EPN2: variants seen among roughly 807,000 people sequenced by gnomAD.
EPN2 encodes the protein epsin 2.
EPN2 carries 34 observed loss-of-function variants against 61.7 expected under a neutral mutation model. The ratio of observed to expected loss-of-function variants is 0.55; its 90% CI spans 0.42 to 0.73. EPN2 has a LOEUF of 0.73. Among genes scored for constraint, EPN2 ranks in the 30% least tolerant of loss-of-function variants. EPN2 has a pLI of 0.00. For missense variants in EPN2, 714 were observed against 839.2 expected, an observed-to-expected ratio of 0.85 and a Z score of 1.84; for synonymous variants, 349 against 353.6, an observed-to-expected ratio of 0.99 and a Z score of 0.15.
In EPN2 at chr17:19,335,174, T is replaced by TAA; in HGVS notation, c.*929_*930dup. 18 of 345,594 alleles carry TAA rather than the reference T, an allele frequency of 5.2e-5. No individual in the cohort carries two copies. Among genetic ancestry groups the TAA allele is most frequent in the East Asian group, 1.3e-4 (3 of 22,886 alleles). 21.4% of individuals were successfully genotyped at this position (345,594 alleles called of 1,614,324 possible). A position where few individuals can be genotyped will look rare whatever the true frequency, so the allele number is the denominator to read the frequency against. On this transcript the variant is annotated 3_prime_UTR_variant, in exon 11 of 11. Transcript: ENST00000314728. ...TTACACATAGATGATGATGTTTATTTAAAAAAAAAACAACAGCAACAAAAA... is the reference window on the plus strand; with the variant it reads ...TTACACATAGATGATGATGTTTATTTAAAAAAAAAAAACAACAGCAACAAAAA...
intron 1 of EPN2, among the ~76,000 whole-genome samples, chr17:19,238,333 G>T (rs1820933079): frequency 6.6e-6 from 1 of 152,238 alleles, no homozygotes; most frequent in South Asian, 2.1e-4. Flanking sequence ...AGAGCCGAGC[G>T]CGTTGGGAGG....
At chr17:19,319,610 C>T (rs767028526) in intron 7 of EPN2, among the ~76,000 whole-genome samples, 5 of 151,810 alleles carry the variant, frequency 3.3e-5, no homozygotes, top group Non-Finnish European at 5.9e-5. Context: ...GGATTACAGG[C>T]GTGAGCCACC....
chr17:19,237,411 T>G lies in EPN2; in HGVS notation c.-414T>G, dbSNP rs917418406. 2.6e-5 allele frequency: 4 copies of G among 151,974 alleles called. No individual in the cohort carries two copies. Among genetic ancestry groups the G allele is most frequent in the African/African-American group, 9.6e-5 (4 of 41,478 alleles). The allele number at this position is 151,974 out of a possible 1,614,324, so 9.4% of individuals were successfully genotyped here. ...CCCGGCCGCCATGTTGGCTGGTGTG[T>G]GGGTGTCAAACTGAGCCAGACGCGG... On this transcript the variant is annotated 5_prime_UTR_variant, in exon 1 of 11. Coordinates refer to ENST00000314728, the MANE Select transcript of EPN2 (RefSeq NM_014964.5).
intron 1 of EPN2, among the ~76,000 whole-genome samples, chr17:19,255,114 A>G (rs2045059767): frequency 6.6e-6 from 1 of 152,196 alleles, no homozygotes; most frequent in African/African-American, 2.4e-5. Context: ...TGAGAGATGC[A>G]GTAAGAAGTA....
intron 7 of EPN2, among the ~76,000 whole-genome samples, chr17:19,326,459 G>T (rs1362662263): frequency 6.6e-6 from 1 of 152,076 alleles, no homozygotes; most frequent in Non-Finnish European, 1.5e-5. Context: ...GGCCAAGGCG[G>T]GCAGATCACA....
intron 4 of EPN2, among the ~76,000 whole-genome samples, chr17:19,296,150 A>T (rs889150666): frequency 2.1e-5 from 3 of 144,382 alleles, no homozygotes; most frequent in East Asian, 2.0e-4. Context: ...CATTCATTCT[A>T]TTTTTTTTTT....
Position 19,329,297 on chromosome 17 carries a change from C to T in EPN2, c.1325-264C>T, listed in dbSNP as rs1348006759. ...TCCACCACTGCCAGCACCCCTTTGC[C>T]TTTTGGGGTGAGGGTGTTAGAAGCA... On this transcript the variant is annotated intron_variant, in intron 8 of 10. Coordinates refer to ENST00000314728, the MANE Select transcript of EPN2 (RefSeq NM_014964.5). 8.4e-6 allele frequency: 4 copies of T among 473,964 alleles called. No individual in the cohort carries two copies. In the Admixed American group the frequency reaches 1.6e-4, roughly 19 times the overall value. The allele number at this position is 473,964 out of a possible 1,614,324, so 29.4% of individuals were successfully genotyped here. A position where few individuals can be genotyped will look rare whatever the true frequency, so the allele number is the denominator to read the frequency against.
At chr17:19,328,950 C>T (rs1907033983) in intron 8 of EPN2, 63 bp downstream of exon 8, 3 of 1,449,398 alleles carry the variant, frequency 2.1e-6, no homozygotes, top group Admixed American at 1.9e-5. Flanking sequence ...CCTGCAGCCG[C>T]TCCTGGCTCC....
chr17:19,311,279 C>T (rs960267129), intron 5 of EPN2, among the ~76,000 whole-genome samples: 2 of 152,048 alleles, frequency 1.3e-5, no homozygotes, highest in African/African-American at 4.8e-5. Flanking sequence ...GAAGAAGGTG[C>T]GTGGTAGCAT....
At position 19,334,437 on chromosome 17, in the gene EPN2, C is replaced by T. The variant is rs560702626; in HGVS notation, c.*183C>T. 77 of 455,528 alleles carry T rather than the reference C, an allele frequency of 1.7e-4. No homozygotes were observed. The Middle Eastern group carries it at 4.0e-3, about 24-fold the overall frequency. The allele number at this position is 455,528 out of a possible 1,614,324, so 28.2% of individuals were successfully genotyped here. ...TCAGACCCTCGCCTTCCAAGGCAGG[C>T]CCCTCAGCCTGGCCTGCTCTCACCA... On this transcript the variant is annotated 3_prime_UTR_variant, in exon 11 of 11. Coordinates refer to ENST00000314728, the MANE Select transcript of EPN2 (RefSeq NM_014964.5). The surrounding 1 kb of genome is among the most constrained non-coding windows in gnomAD (Gnocchi z 4.9).
chr17:19,239,264 C>G (rs1236088959), intron 1 of EPN2, among the ~76,000 whole-genome samples: 1 of 152,264 alleles, frequency 6.6e-6, no homozygotes, highest in East Asian at 1.9e-4. Context: ...TCTCCTGCCT[C>G]AGCCTCCGGA....
intron 1 of EPN2, among the ~76,000 whole-genome samples, chr17:19,265,317 G>A (rs1034002957): frequency 6.7e-6 from 1 of 150,200 alleles, no homozygotes; most frequent in Non-Finnish European, 1.5e-5. Flanking sequence ...GGTCCAGGCT[G>A]TAATCAGCTA....
chr17:19,250,509 C>T (rs752629691), intron 1 of EPN2, among the ~76,000 whole-genome samples: 1 of 152,176 alleles, frequency 6.6e-6, no homozygotes, highest in Non-Finnish European at 1.5e-5. Flanking sequence ...ATTTGTTGGT[C>T]ATAGTTGCCA....
rs373473878 is a variant in EPN2 at position 19,335,319 on chromosome 17, C to A, written c.*1065C>A. On this transcript the variant is annotated 3_prime_UTR_variant, in exon 11 of 11. Transcript: ENST00000314728. ...GAGGCTATTTTTCTTACGAATATACCAACATCCTGAAAGTTAAAGAAAAAA... is the reference window on the plus strand; with the variant it reads ...GAGGCTATTTTTCTTACGAATATACAAACATCCTGAAAGTTAAAGAAAAAA... 7.3e-7 allele frequency: 1 copy of A among 1,372,102 alleles called. No individual in the cohort carries two copies. Among genetic ancestry groups the A allele is most frequent in the South Asian group, 1.4e-5 (1 of 71,250 alleles). The allele number at this position is 1,372,102 out of a possible 1,614,324, so 85.0% of individuals were successfully genotyped here.
In EPN2 at chr17:19,245,941, A is replaced by G. The variant is rs183336257; in HGVS notation, c.-294+8410A>G. ...CGGCCTCTCAAAGTGCTGGGATTAC[A>G]GGCGTGAGCCACCATGCCCGGCCCT... is the stretch of plus-strand genomic sequence containing the variant. On this transcript the variant is annotated intron_variant, in intron 1 of 10. Transcript: ENST00000314728. 3.6e-3 allele frequency among the ~76,000 whole-genome samples: 547 copies of G among 152,150 alleles called. 4 individuals are homozygous for G. The highest frequency in any genetic ancestry group is 0.012 in the African/African-American group (514 of 41,534).
chr17:19,305,454 C>G (rs2152228844), intron 4 of EPN2, among the ~76,000 whole-genome samples: 1 of 152,262 alleles, frequency 6.6e-6, no homozygotes, highest in Admixed American at 6.5e-5. Flanking sequence ...GTACTTGCCA[C>G]TTTCTTTCTG....
At chr17:19,244,432 CTG>C (rs1175241486) in intron 1 of EPN2, among the ~76,000 whole-genome samples, 1 of 149,440 alleles carries the variant, frequency 6.7e-6, no homozygotes, top group Non-Finnish European at 1.5e-5. Flanking sequence ...ACACTCCAGA[CTG>C]TGTGAGGGAG....
Position 19,335,091 on chromosome 17 carries a change from A to T in EPN2, c.*837A>T, listed in dbSNP as rs2152242654. 4.8e-6 allele frequency: 1 copy of T among 208,228 alleles called. No homozygotes were observed. Among genetic ancestry groups the T allele is most frequent in the Admixed American group, 5.6e-5 (1 of 17,762 alleles). The allele number at this position is 208,228 out of a possible 1,614,324, so 12.9% of individuals were successfully genotyped here. On this transcript the variant is annotated 3_prime_UTR_variant, in exon 11 of 11. Transcript: ENST00000314728. The stretch of plus-strand genomic sequence containing the variant: ...GGAAGAGATGTTTGGATGACAAAAA[A>T]ATGCCTTATTGAAAAACTAAAGCAA...
intron 1 of EPN2, among the ~76,000 whole-genome samples, chr17:19,275,461 T>C (rs1353663454): frequency 6.6e-6 from 1 of 152,232 alleles, no homozygotes; most frequent in Non-Finnish European, 1.5e-5. Context: ...CTTTCTTCTG[T>C]GGCTGCTTCA....
Sources: allele counts gnomAD v4.1 joint callset (sites outside exome capture counted in the v4.1 genomes callset), GRCh38; gene constraint gnomAD v4.1.1; non-coding constraint Gnocchi (gnomAD v3.1); transcripts MANE v1.5; gene names NCBI Gene and HGNC (gene_info 2026-07-23, HGNC 2026-07-21).